Variants in IMMP2L observed in about 807,000 individuals in gnomAD.
IMMP2L encodes the protein inner mitochondrial membrane peptidase subunit 2, also known as mitochondrial inner membrane protease subunit 2.
In IMMP2L, 18 loss-of-function variants were observed where a neutral mutation model predicts 19.3. That is an observed-to-expected ratio of 0.93 (90% CI 0.64 to 1.38). The LOEUF is 1.38. IMMP2L is among the 40% of genes most tolerant of loss of function. IMMP2L has a pLI of 0.00. For missense variants in IMMP2L, 233 were observed against 218.2 expected (o/e 1.07, Z -0.43); for synonymous variants, 76 against 73.0 (o/e 1.04, Z -0.21).
chr7:111,136,961 AC>A (rs1382307124), intron 3 of IMMP2L, among the ~76,000 whole-genome samples: 2 of 152,164 alleles, frequency 1.3e-5, no homozygotes, highest in Non-Finnish European at 2.9e-5. Context: ...TCCATGTTAA[AC>A]AAATTGAAAG....
intron 3 of IMMP2L, among the ~76,000 whole-genome samples, chr7:111,376,727 A>G (rs182339912): frequency 1.2e-3 from 176 of 152,260 alleles, no homozygotes; most frequent in Non-Finnish European, 2.2e-3. Context: ...AAAAGGGAAT[A>G]AAAAGTAGTG....
intron 3 of IMMP2L, among the ~76,000 whole-genome samples, chr7:111,428,378 G>GA (rs1023098840): frequency 1.3e-5 from 2 of 151,384 alleles, no homozygotes; most frequent in Non-Finnish European, 2.9e-5. Context: ...ATAAGGACTG[G>GA]AAAAAAATTC....
chr7:111,450,783 T>C (rs1298958962), intron 3 of IMMP2L, among the ~76,000 whole-genome samples: 2 of 150,734 alleles, frequency 1.3e-5, no homozygotes, highest in Non-Finnish European at 3.0e-5. Context: ...ACCTACAACA[T>C]GGGAGAAAAT....
At chr7:110,688,740 A>G (rs1793287390) in intron 5 of IMMP2L, among the ~76,000 whole-genome samples, 1 of 152,100 alleles carries the variant, frequency 6.6e-6, no homozygotes. Flanking sequence ...TATATATAGT[A>G]TATTAAATGT....
intron 3 of IMMP2L, among the ~76,000 whole-genome samples, chr7:111,393,809 G>A (rs1832618842): frequency 6.6e-6 from 1 of 152,104 alleles, no homozygotes. Context: ...TTGAAGATAT[G>A]CAGACCCCTC....
chr7:111,030,280 G>GA (rs940940084), intron 3 of IMMP2L, among the ~76,000 whole-genome samples: 48 of 150,622 alleles, frequency 3.2e-4, no homozygotes, highest in Non-Finnish European at 4.1e-4. Context: ...TTTAAAATGT[G>GA]AAAAAAAAGC....
At chr7:111,055,963 T>C (rs1031675459) in intron 3 of IMMP2L, among the ~76,000 whole-genome samples, 2 of 152,158 alleles carry the variant, frequency 1.3e-5, no homozygotes, top group Non-Finnish European at 2.9e-5. Flanking sequence ...AATTGGCATA[T>C]TTAATAAAAA....
At chr7:111,317,393 T>C (rs1247190080) in intron 3 of IMMP2L, among the ~76,000 whole-genome samples, 2 of 152,136 alleles carry the variant, frequency 1.3e-5, no homozygotes, top group Non-Finnish European at 2.9e-5. Context: ...CTTAATATGG[T>C]TTGGCTGAAT....
chr7:110,888,595 A>G (rs1268895176), intron 4 of IMMP2L, among the ~76,000 whole-genome samples: 1 of 152,194 alleles, frequency 6.6e-6, no homozygotes, highest in Non-Finnish European at 1.5e-5. Flanking sequence ...ACCAAGATTG[A>G]GTTTTAATGT....
chr7:111,339,930 C>T (rs991167406), intron 3 of IMMP2L, among the ~76,000 whole-genome samples: 1 of 151,930 alleles, frequency 6.6e-6, no homozygotes, highest in Non-Finnish European at 1.5e-5. Flanking sequence ...CTGCACATAG[C>T]CCCCCAGAGT....
chr7:111,142,280 C>T lies in IMMP2L; in HGVS notation c.240-178715G>A, dbSNP rs187026808. 5.8e-4 allele frequency among the ~76,000 whole-genome samples: 86 copies of T among 147,050 alleles called. 1 individual carries two copies. In the East Asian group the frequency reaches 0.011, roughly 19 times the overall value. On this transcript the variant is annotated intron_variant, in intron 3 of 5. Coordinates refer to ENST00000405709, the MANE Select transcript of IMMP2L (RefSeq NM_032549.4). Reference sequence around the variant, plus strand: ...GGTAGAGGTTGCAGTGAGCCAAGATCGCGCCACTGTGCTCCAGCCTGGGCA... The same window carrying T: ...GGTAGAGGTTGCAGTGAGCCAAGATTGCGCCACTGTGCTCCAGCCTGGGCA...
At chr7:111,425,282 G>A (rs1230800797) in intron 3 of IMMP2L, among the ~76,000 whole-genome samples, 1 of 145,340 alleles carries the variant, frequency 6.9e-6, no homozygotes, top group Non-Finnish European at 1.6e-5. Flanking sequence ...AGGACCATGA[G>A]AGGACTTTCT....
At chr7:111,192,540 G>T (rs1182429479) in intron 3 of IMMP2L, among the ~76,000 whole-genome samples, 2 of 152,142 alleles carry the variant, frequency 1.3e-5, no homozygotes, top group Non-Finnish European at 2.9e-5. Context: ...AAAATTAAGT[G>T]AATTTGTTTA....
chr7:111,381,503 A>G (rs916918401), intron 3 of IMMP2L, among the ~76,000 whole-genome samples: 4 of 152,026 alleles, frequency 2.6e-5, no homozygotes, highest in Non-Finnish European at 5.9e-5. Context: ...TAGCCACTAG[A>G]ATAGGTAAAA....
intron 3 of IMMP2L, among the ~76,000 whole-genome samples, chr7:111,243,235 A>G (rs981933368): frequency 5.3e-5 from 8 of 151,988 alleles, no homozygotes; most frequent in South Asian, 2.1e-4. Context: ...TTTATTATAT[A>G]TTGAATTATA....
intron 2 of IMMP2L, among the ~76,000 whole-genome samples, chr7:111,493,468 CA>C (rs1843284999): frequency 6.6e-6 from 1 of 151,862 alleles, no homozygotes; most frequent in South Asian, 2.1e-4. Context: ...TTTGGGAGGC[CA>C]AGGTGGGTGG....
chr7:110,890,861 T>C (rs745622875), intron 4 of IMMP2L, among the ~76,000 whole-genome samples: 1 of 152,128 alleles, frequency 6.6e-6, no homozygotes. Flanking sequence ...AACAATGTTT[T>C]TAAGTCTCTG....
intron 3 of IMMP2L, among the ~76,000 whole-genome samples, chr7:111,289,960 C>T (rs1184350896): frequency 6.6e-6 from 1 of 152,080 alleles, no homozygotes; most frequent in Admixed American, 6.6e-5. Context: ...GTGAAGTTAA[C>T]ACTCTCTTAA....
intron 4 of IMMP2L, among the ~76,000 whole-genome samples, chr7:110,928,736 G>A (rs1002543686): frequency 1.3e-5 from 2 of 151,996 alleles, no homozygotes; most frequent in African/African-American, 4.8e-5. Context: ...ACACTAATAG[G>A]AATATAATCT....
Sources: allele counts gnomAD v4.1 joint callset (sites outside exome capture counted in the v4.1 genomes callset), GRCh38; gene constraint gnomAD v4.1.1; transcripts MANE v1.5; gene names NCBI Gene and HGNC (gene_info 2026-07-23, HGNC 2026-07-21).